Variants in NTAQ1 observed in about 807,000 individuals in gnomAD.
The protein encoded by NTAQ1 is protein N-terminal glutamine amidohydrolase.
A neutral mutation model predicts 28.2 loss-of-function variants in NTAQ1; 21 were observed. The observed-to-expected ratio is 0.74, with a 90% CI of 0.53 to 1.07. The LOEUF (loss-of-function observed/expected upper bound fraction) is 1.07. Ranked by LOEUF, NTAQ1 falls within the 50% of genes least tolerant of loss-of-function variation. The probability of loss-of-function intolerance (pLI) is 0.00; values close to 1 mark genes in which losing one functional copy is unlikely to be tolerated. For synonymous variants in NTAQ1, 105 were observed against 90.0 expected, an observed-to-expected ratio of 1.17 and a Z score of -0.94; for missense variants, 264 against 256.6, an observed-to-expected ratio of 1.03 and a Z score of -0.20.
chr8:123,437,252 T>G lies in NTAQ1; in HGVS notation c.426T>G (p.Phe142Leu), dbSNP rs1254809120. 1 of 1,614,052 alleles carries G rather than the reference T, an allele frequency of 6.2e-7. No homozygotes were observed. The highest frequency in any genetic ancestry group is 1.3e-5 in the African/African-American group (1 of 74,912). Residue 142 changes from phenylalanine (F) to leucine (L), a missense_variant, in exon 5 of 6, where the codon TTT becomes TTG. Physicochemically the swap from Phe to Leu is conservative, Grantham distance 22. Transcript: ENST00000287387. ...GTGCAGATTCATATTTGAAGAACTT[T>G]GCTTCTGACCGATCTCACATGAAAG... ...VIRADSYLKN[F>L]ASDRSHMKDS...
At chr8:123,437,146 A>G in intron 4 of NTAQ1, 64 bp from the exon 5 acceptor site, 1 of 1,594,316 alleles carries the variant, frequency 6.3e-7, no homozygotes, top group Non-Finnish European at 8.6e-7. Flanking sequence ...GTCGATATAA[A>G]AATGGAGTTA....
At chr8:123,462,158 G>A (rs957157247) in intron 6 of NTAQ1, among the ~76,000 whole-genome samples, 1 of 152,058 alleles carries the variant, frequency 6.6e-6, no homozygotes, top group Non-Finnish European at 1.5e-5. Context: ...CGATTCTCAT[G>A]CCTTAGCCTC....
downstream of NTAQ1, among the ~76,000 whole-genome samples, chr8:123,472,065 C>A (rs1816047748): frequency 6.6e-6 from 1 of 152,138 alleles, no homozygotes; most frequent in South Asian, 2.1e-4. Flanking sequence ...AGGGGTCTTA[C>A]CCCACTCCTA....
intron 1 of NTAQ1, among the ~76,000 whole-genome samples, chr8:123,424,671 C>T (rs1813934187): frequency 6.6e-6 from 1 of 152,158 alleles, no homozygotes; most frequent in African/African-American, 2.4e-5. Context: ...TCCCAAAGTG[C>T]CTGGATTACA....
chr8:123,437,371 T>C, intron 5 of NTAQ1, 37 bp downstream of exon 5: 1 of 1,612,610 alleles, frequency 6.2e-7, no homozygotes, highest in Non-Finnish European at 8.5e-7. Context: ...GGGTTCTGAT[T>C]GATCACATAC....
At chr8:123,435,477 G>T in intron 3 of NTAQ1, 1 of 985,396 alleles carries the variant, frequency 1.0e-6, no homozygotes, top group Non-Finnish European at 1.2e-6. Flanking sequence ...TACTAGTTTG[G>T]AGCAGATCCT....
chr8:123,437,650 C>T (rs1302309528), intron 5 of NTAQ1, among the ~76,000 whole-genome samples: 1 of 150,752 alleles, frequency 6.6e-6, no homozygotes, highest in Admixed American at 6.6e-5. Context: ...TTGCAGTGAG[C>T]TGAGATCGGG....
chr8:123,426,261 T>C (rs1161301541), intron 1 of NTAQ1, among the ~76,000 whole-genome samples: 1 of 152,198 alleles, frequency 6.6e-6, no homozygotes, highest in Admixed American at 6.5e-5. Context: ...AGGTGGGTTC[T>C]GACTACTGCT....
At chr8:123,443,996 C>T (rs902686472), downstream of NTAQ1, among the ~76,000 whole-genome samples, 5 of 151,546 alleles carry the variant, frequency 3.3e-5, no homozygotes, top group African/African-American at 7.3e-5. Flanking sequence ...AGTTGTTTAT[C>T]GGGCTTAGGA....
intron 3 of NTAQ1, among the ~76,000 whole-genome samples, chr8:123,430,762 CAGAG>C (rs1370994607): frequency 2.0e-5 from 3 of 152,130 alleles, no homozygotes; most frequent in South Asian, 2.1e-4. Flanking sequence ...GCTTGGGTGA[CAGAG>C]AGAGACCCTG....
chr8:123,427,160 T>C (rs958784892), intron 1 of NTAQ1, among the ~76,000 whole-genome samples: 6 of 150,188 alleles, frequency 4.0e-5, no homozygotes, highest in African/African-American at 1.5e-4. Context: ...CAGTGTTAAC[T>C]AAGATTTTTG....
downstream of NTAQ1, among the ~76,000 whole-genome samples, chr8:123,444,883 T>G (rs1586957922): frequency 6.6e-6 from 1 of 152,040 alleles, no homozygotes; most frequent in East Asian, 1.9e-4. Flanking sequence ...CACCAAGGAG[T>G]TGGGAAGCAA....
downstream of NTAQ1, among the ~76,000 whole-genome samples, chr8:123,447,062 A>G (rs1256094691): frequency 2.6e-5 from 4 of 152,062 alleles, no homozygotes; most frequent in Non-Finnish European, 5.9e-5. Flanking sequence ...GAGGAAGAAC[A>G]ATAACCTTCA....
At chr8:123,469,290 T>C (rs1238637192) in exon 7 of NTAQ1, among the ~76,000 whole-genome samples, 2 of 152,316 alleles carry the variant, frequency 1.3e-5, no homozygotes, top group Non-Finnish European at 2.9e-5. Flanking sequence ...CAAGAAATCA[T>C]TGGAAATATG....
At chr8:123,465,512 C>T (rs1306174135) in intron 6 of NTAQ1, among the ~76,000 whole-genome samples, 2 of 143,908 alleles carry the variant, frequency 1.4e-5, no homozygotes, top group Non-Finnish European at 3.0e-5. Flanking sequence ...TAAGAGTGTT[C>T]TGTAAATGGA....
exon 7 of NTAQ1, among the ~76,000 whole-genome samples, chr8:123,467,619 G>C (rs1237906106): frequency 6.6e-6 from 1 of 152,228 alleles, no homozygotes; most frequent in Non-Finnish European, 1.5e-5. Context: ...TTCATATCCA[G>C]GTTCCAGAGG....
At chr8:123,469,319 C>G (rs1187801520) in exon 7 of NTAQ1, among the ~76,000 whole-genome samples, 1 of 152,078 alleles carries the variant, frequency 6.6e-6, no homozygotes, top group Non-Finnish European at 1.5e-5. Flanking sequence ...TTTGTTTAAG[C>G]CTGTAGGAGG....
At chr8:123,439,569 A>G (rs1814923595) in intron 5 of NTAQ1, among the ~76,000 whole-genome samples, 1 of 151,640 alleles carries the variant, frequency 6.6e-6, no homozygotes, top group Non-Finnish European at 1.5e-5. Context: ...GATGGTCTCG[A>G]TCTCCTGACC....
At chr8:123,471,698 ACTCT>A (rs1016851986), downstream of NTAQ1, among the ~76,000 whole-genome samples, 1 of 151,848 alleles carries the variant, frequency 6.6e-6, no homozygotes, top group Non-Finnish European at 1.5e-5. Flanking sequence ...TCAAGGAGAA[ACTCT>A]CTCTTACTCA....
Sources: allele counts gnomAD v4.1 joint callset (sites outside exome capture counted in the v4.1 genomes callset), GRCh38; gene constraint gnomAD v4.1.1; transcripts MANE v1.5; gene names NCBI Gene and HGNC (gene_info 2026-07-23, HGNC 2026-07-21).